TICRR: variants seen among roughly 807,000 people sequenced by gnomAD.
TICRR encodes the protein treslin.
A neutral mutation model predicts 178.1 loss-of-function variants in TICRR; 132 were observed. The observed-to-expected ratio is 0.74, with a 90% CI of 0.64 to 0.86. The LOEUF is 0.86. Ranked by LOEUF, TICRR falls within the 40% of genes least tolerant of loss-of-function variation. The probability of loss-of-function intolerance (pLI) is 0.00; values close to 1 mark genes in which losing one functional copy is unlikely to be tolerated. For missense variants in TICRR, 2,587 were observed against 2,334.3 expected, an observed-to-expected ratio of 1.11 and a Z score of -2.23; for synonymous variants, 991 against 900.7, an observed-to-expected ratio of 1.10 and a Z score of -1.79.
At chr15:89,592,681 C>A (rs749632893) in intron 5 of TICRR, among the ~76,000 whole-genome samples, 6 of 152,096 alleles carry the variant, frequency 3.9e-5, no homozygotes, top group Non-Finnish European at 8.8e-5. Flanking sequence ...TCAAGAGAAA[C>A]AAAAGATGGT....
Position 89,576,007 on chromosome 15 carries a change from A to G in TICRR, c.421A>G (p.Lys141Glu). ...ACTGCTGGACGTGGAGAGCGAGGCC[A>G]AGGAGGCCGAGGCCGCGCTCGGGGG... ...RRLLDVESEA[K>E]EAEAALGGLV... The change falls in exon 1 of 22, where the codon AAG becomes GAG. Residue 141 changes from lysine (K) to glutamate (E), a missense_variant. By Grantham distance (56) the Lys-to-Glu change is moderately conservative. Transcript: ENST00000268138. 6.2e-7 allele frequency: 1 copy of G among 1,608,104 alleles called. No homozygotes were observed. The highest frequency in any genetic ancestry group is 8.5e-7 in the Non-Finnish European group (1 of 1,178,258).
At chr15:89,586,284 A>G (rs1962822103) in intron 4 of TICRR, among the ~76,000 whole-genome samples, 1 of 152,178 alleles carries the variant, frequency 6.6e-6, no homozygotes, top group East Asian at 1.9e-4. Flanking sequence ...AAATCTACCT[A>G]GCATAAATAA....
At chr15:89,614,147 C>G (rs1010871020) in intron 15 of TICRR, among the ~76,000 whole-genome samples, 1 of 151,968 alleles carries the variant, frequency 6.6e-6, no homozygotes, top group Non-Finnish European at 1.5e-5. Flanking sequence ...GAGCGAGACT[C>G]TGTCTCAAAA....
intron 15 of TICRR, among the ~76,000 whole-genome samples, chr15:89,609,989 T>A (rs1963233591): frequency 6.6e-6 from 1 of 152,234 alleles, no homozygotes; most frequent in African/African-American, 2.4e-5. Context: ...TTGTGATTTC[T>A]TCTTTGATCC....
rs1963423409 is a variant in TICRR, at chr15:89,621,437, A to C, written c.3199A>C (p.Ser1067Arg). ...AGTCCAAAGTATTCGGTCTCCCAAG[A>C]GTCTTCTTTTTGGGGCAATGTCTGA... The part of the protein sequence containing the change: ...SPVQSIRSPK[S>R]LLFGAMSEMI... Residue 1067 changes from serine (S) to arginine (R), a missense_variant, in exon 19 of 22, where the codon AGT (serine) becomes CGT (arginine). Ser to Arg is a moderately radical substitution (Grantham distance 110). Transcript: ENST00000268138. 4 of 1,613,848 alleles carry C rather than the reference A, an allele frequency of 2.5e-6. No homozygotes were observed. Among genetic ancestry groups the C allele is most frequent in the Non-Finnish European group, 3.4e-6 (4 of 1,179,974 alleles).
At chr15:89,599,720 C>G (rs1185042203) in intron 8 of TICRR, among the ~76,000 whole-genome samples, 2 of 152,150 alleles carry the variant, frequency 1.3e-5, no homozygotes, top group African/African-American at 4.8e-5. Flanking sequence ...TAATGAAAAG[C>G]CTTTCCTCAT....
rs1220635394 is a variant in TICRR at position 89,624,195 on chromosome 15, A to G, written c.3885A>G (p.Pro1295=). 1.9e-6 allele frequency: 3 copies of G among 1,614,164 alleles called. No individual in the cohort carries two copies. The highest frequency in any genetic ancestry group is 4.5e-5 in the East Asian group (2 of 44,878). ...AAGCTATCAAAACTCCAAAAAGACC[A>G]GGGAATTCAACTGTGACTTCTTCCC... ...KDKAIKTPKR[P]GNSTVTSSPP... The change falls in exon 20 of 22, where the codon CCA becomes CCG. Residue 1295 remains proline (P), a synonymous_variant. Transcript: ENST00000268138.
At chr15:89,617,194 A>G (rs1342814847) in intron 16 of TICRR, among the ~76,000 whole-genome samples, 39 of 152,170 alleles carry the variant, frequency 2.6e-4, no homozygotes, top group Admixed American at 2.6e-3. Context: ...TTTCAAGGGT[A>G]ATAGAAGCAC....
Position 89,624,943 on chromosome 15 carries a change from G to T in TICRR, c.4633G>T (p.Ala1545Ser), listed in dbSNP as rs1468473585. The T allele has an allele frequency of 3.7e-6, 6 of 1,613,988 alleles. No homozygotes were observed. The highest frequency in any genetic ancestry group is 5.1e-6 in the Non-Finnish European group (6 of 1,180,042). Residue 1545 changes from alanine to serine, a missense_variant, in exon 20 of 22, where the codon GCA becomes TCA. Coordinates refer to ENST00000268138, the MANE Select transcript of TICRR (RefSeq NM_152259.4). ...TTCGGCACAACTAGACAACCTGCCA[G>T]CATCAGCTTGGCATTCCACAGACTC... The part of the protein sequence containing the change: ...QASAQLDNLP[A>S]SAWHSTDSAS...
intron 4 of TICRR, among the ~76,000 whole-genome samples, chr15:89,590,374 C>T (rs1342448557): frequency 6.6e-6 from 1 of 152,138 alleles, no homozygotes; most frequent in Non-Finnish European, 1.5e-5. Context: ...CCTTACTTAC[C>T]AATTGTGTGT....
At chr15:89,598,790 G>A (rs1378435448) in intron 7 of TICRR, among the ~76,000 whole-genome samples, 1 of 151,988 alleles carries the variant, frequency 6.6e-6, no homozygotes, top group African/African-American at 2.4e-5. Context: ...TAGATGGCTT[G>A]AGTTCAGGAG....
intron 7 of TICRR, among the ~76,000 whole-genome samples, chr15:89,596,399 T>C (rs946588215): frequency 2.6e-5 from 4 of 152,140 alleles, no homozygotes; most frequent in Non-Finnish European, 4.4e-5. Context: ...CAGGCTGGAG[T>C]GCACTGGCAT....
chr15:89,615,160 A>G (rs1255568363), intron 15 of TICRR, among the ~76,000 whole-genome samples: 1 of 152,250 alleles, frequency 6.6e-6, no homozygotes, highest in Non-Finnish European at 1.5e-5. Context: ...CAGCTGTAAC[A>G]TTTAACAATT....
At chr15:89,604,711 C>T (rs751393738) in intron 13 of TICRR, among the ~76,000 whole-genome samples, 1 of 136,420 alleles carries the variant, frequency 7.3e-6, no homozygotes, top group Non-Finnish European at 1.5e-5. Flanking sequence ...TTTGAGGCTG[C>T]AATGAACTAT....
chr15:89,576,842 T>C (rs1335657972), intron 1 of TICRR, among the ~76,000 whole-genome samples: 2 of 140,866 alleles, frequency 1.4e-5, no homozygotes, highest in African/African-American at 5.4e-5. Context: ...TATATATATA[T>C]ATATATATAT....
chr15:89,624,602 C>T lies in TICRR; in HGVS notation c.4292C>T (p.Pro1431Leu). 6.2e-7 allele frequency: 1 copy of T among 1,613,978 alleles called. No individual in the cohort carries two copies. The highest frequency in any genetic ancestry group is 1.1e-5 in the South Asian group (1 of 91,084). Residue 1431 changes from proline to leucine, a missense_variant, in exon 20 of 22, where the codon CCT (proline) becomes CTT (leucine). Physicochemically the swap from Pro to Leu is moderately conservative, Grantham distance 98. Transcript: ENST00000268138. Reference protein sequence around the residue: ...RDDQKGLSLSPQSPPERRGYP... With the variant: ...RDDQKGLSLSLQSPPERRGYP... ...GACCAGAAGGGACTGAGCCTCTCTC[C>T]TCAGTCTCCTCCTGAAAGACGGGGC...
Position 89,592,085 on chromosome 15 carries a change from C to T in TICRR, c.1450C>T (p.His484Tyr), listed in dbSNP as rs1962923204. 1 of 1,612,354 alleles carries T rather than the reference C, an allele frequency of 6.2e-7. No individual in the cohort carries two copies. Among genetic ancestry groups the T allele is most frequent in the African/African-American group, 1.3e-5 (1 of 74,918 alleles). Residue 484 changes from histidine to tyrosine, a missense_variant, in exon 5 of 22, where the codon CAC becomes TAC. Transcript: ENST00000268138. The part of the protein sequence containing the change: ...VPEWAQQELG[H>Y]TTPWSPAVVE... ...AGAGTGGGCCCAGCAGGAGCTTGGC[C>T]ACACCACTCCCTGGAGTCCAGCTGT...
chr15:89,605,157 A>G (rs1331439039), intron 13 of TICRR, among the ~76,000 whole-genome samples: 1 of 152,226 alleles, frequency 6.6e-6, no homozygotes, highest in African/African-American at 2.4e-5. Flanking sequence ...AGGGCCAGAT[A>G]GTAGATGTTT....
intron 1 of TICRR, among the ~76,000 whole-genome samples, chr15:89,577,857 A>G (rs1324462235): frequency 6.6e-6 from 1 of 151,782 alleles, no homozygotes; most frequent in Non-Finnish European, 1.5e-5. Context: ...GCAGTCCGCC[A>G]ACCTCAGCCT....
Sources: gnomAD v4.1 joint callset for allele counts (sites outside exome capture counted in the v4.1 genomes callset) on GRCh38, gnomAD v4.1.1 for gene constraint, MANE v1.5 for transcripts, NCBI Gene and HGNC (gene_info 2026-07-23, HGNC 2026-07-21) for gene names.